KCNQ3: variants seen among roughly 807,000 people sequenced by gnomAD.
KCNQ3 encodes the protein potassium voltage-gated channel subfamily Q member 3.
KCNQ3 carries 30 observed loss-of-function variants against 92.5 expected under a neutral mutation model. The ratio of observed to expected loss-of-function variants is 0.32; its 90% confidence interval spans 0.24 to 0.44. KCNQ3 has a LOEUF of 0.44. KCNQ3 is among the 20% of genes least tolerant of loss of function. The probability of loss-of-function intolerance (pLI) is 1.00; values close to 1 mark genes in which losing one functional copy is unlikely to be tolerated. For synonymous variants in KCNQ3, 450 were observed against 468.8 expected (o/e 0.96, Z 0.52); for missense variants, 913 against 1,140.3 (o/e 0.80, Z 2.87).
intron 1 of KCNQ3, among the ~76,000 whole-genome samples, chr8:132,428,804 A>T (rs956100039): frequency 1.3e-5 from 2 of 152,212 alleles, no homozygotes; most frequent in East Asian, 3.8e-4. Flanking sequence ...ACATAAGCAG[A>T]TATTAAGCAT....
intron 1 of KCNQ3, among the ~76,000 whole-genome samples, chr8:132,362,528 TAAAC>T (rs1819200418): frequency 6.6e-6 from 1 of 152,072 alleles, no homozygotes; most frequent in African/African-American, 2.4e-5. Flanking sequence ...GGTGCTTAAA[TAAAC>T]AAACAAGAAA....
At chr8:132,467,895 T>C (rs1179494671) in intron 1 of KCNQ3, among the ~76,000 whole-genome samples, 2 of 152,310 alleles carry the variant, frequency 1.3e-5, no homozygotes, top group Admixed American at 1.3e-4. Context: ...CCAGTGTGGC[T>C]GAATGGATGC....
At chr8:132,376,712 T>C (rs1324944996) in intron 1 of KCNQ3, among the ~76,000 whole-genome samples, 1 of 152,246 alleles carries the variant, frequency 6.6e-6, no homozygotes, top group Non-Finnish European at 1.5e-5. Flanking sequence ...TGTTTTGATA[T>C]CTATTAGCAT....
chr8:132,454,832 T>C (rs1821902243), intron 1 of KCNQ3, among the ~76,000 whole-genome samples: 1 of 152,206 alleles, frequency 6.6e-6, no homozygotes, highest in African/African-American at 2.4e-5. Context: ...ACATACAATG[T>C]AATATTATAC....
At chr8:132,205,710 C>T (rs1813633244) in intron 1 of KCNQ3, among the ~76,000 whole-genome samples, 1 of 152,188 alleles carries the variant, frequency 6.6e-6, no homozygotes, top group Non-Finnish European at 1.5e-5. Context: ...CTATGTGAGA[C>T]TATAGTAGAA....
intron 1 of KCNQ3, among the ~76,000 whole-genome samples, chr8:132,330,241 G>A (rs959015853): frequency 6.6e-6 from 1 of 152,216 alleles, no homozygotes; most frequent in South Asian, 2.1e-4. Flanking sequence ...GTCCCATAGA[G>A]CTCCCAGAGT....
chr8:132,245,023 T>C (rs898457646), intron 1 of KCNQ3, among the ~76,000 whole-genome samples: 47 of 151,580 alleles, frequency 3.1e-4, no homozygotes, highest in African/African-American at 1.1e-3. Context: ...TTTATTTACA[T>C]AAGTGCAACC....
intron 3 of KCNQ3, among the ~76,000 whole-genome samples, chr8:132,181,223 G>C (rs1208128159): frequency 6.6e-6 from 1 of 152,124 alleles, no homozygotes; most frequent in East Asian, 1.9e-4. Context: ...GTATGGAAGA[G>C]GGAGGAACTG....
At chr8:132,312,760 T>G (rs116974413) in intron 1 of KCNQ3, among the ~76,000 whole-genome samples, 1 of 152,178 alleles carries the variant, frequency 6.6e-6, no homozygotes, top group Non-Finnish European at 1.5e-5. Context: ...CTCCCTCACC[T>G]GCTGCCATGT....
intron 1 of KCNQ3, among the ~76,000 whole-genome samples, chr8:132,428,435 T>C (rs1821164805): frequency 6.6e-6 from 1 of 152,150 alleles, no homozygotes. Flanking sequence ...ACAAAAACAA[T>C]TTAAAACCGC....
At chr8:132,133,608 C>A (rs1366522389) in intron 13 of KCNQ3, among the ~76,000 whole-genome samples, 1 of 152,142 alleles carries the variant, frequency 6.6e-6, no homozygotes, top group African/African-American at 2.4e-5. Context: ...CCCGCCTCAG[C>A]CTCCTGAAGG....
intron 9 of KCNQ3, among the ~76,000 whole-genome samples, chr8:132,159,136 C>A (rs1172782522): frequency 6.6e-6 from 1 of 152,170 alleles, no homozygotes; most frequent in Admixed American, 6.5e-5. Context: ...GTTATTATTG[C>A]TGTTCAAAAT....
chr8:132,350,815 C>A (rs959294016), intron 1 of KCNQ3, among the ~76,000 whole-genome samples: 4 of 152,194 alleles, frequency 2.6e-5, no homozygotes, highest in Non-Finnish European at 5.9e-5. Flanking sequence ...CCATGCAATT[C>A]TACCAGCCTT....
chr8:132,150,087 T>C (rs111786541), intron 9 of KCNQ3, among the ~76,000 whole-genome samples: 3,349 of 140,258 alleles, frequency 0.024, 126 homozygotes, highest in African/African-American at 0.084. Context: ...TTTTTTTTTT[T>C]CCTTTTGGAA....
chr8:132,473,594 A>C (rs1308698414), intron 1 of KCNQ3, among the ~76,000 whole-genome samples: 1 of 152,162 alleles, frequency 6.6e-6, no homozygotes, highest in Non-Finnish European at 1.5e-5. Context: ...TAACAACACA[A>C]ATATCTAACA....
At chr8:132,410,613 A>G (rs1321890768) in intron 1 of KCNQ3, among the ~76,000 whole-genome samples, 1 of 152,246 alleles carries the variant, frequency 6.6e-6, no homozygotes, top group Non-Finnish European at 1.5e-5. Flanking sequence ...CAGCTGCAGC[A>G]GCAGCCACCT....
intron 1 of KCNQ3, chr8:132,277,889 C>T (rs1056321882): frequency 2.1e-6 from 2 of 930,682 alleles, no homozygotes; most frequent in Non-Finnish European, 2.6e-6. Context: ...ATAATGATCC[C>T]CCTGTCTCTG....
intron 1 of KCNQ3, among the ~76,000 whole-genome samples, chr8:132,308,378 T>C (rs554122192): frequency 2.0e-5 from 3 of 152,008 alleles, no homozygotes; most frequent in Non-Finnish European, 4.4e-5. Flanking sequence ...GAGGGATGGA[T>C]GGAGGGCAGG....
intron 1 of KCNQ3, among the ~76,000 whole-genome samples, chr8:132,209,691 C>T (rs1183142953): frequency 6.6e-6 from 1 of 152,082 alleles, no homozygotes; most frequent in Non-Finnish European, 1.5e-5. Context: ...ATAAAATATT[C>T]ACCATTTTAT....
Sources: allele counts gnomAD v4.1 joint callset (sites outside exome capture counted in the v4.1 genomes callset), GRCh38; gene constraint gnomAD v4.1.1; transcripts MANE v1.5; gene names NCBI Gene and HGNC (gene_info 2026-07-23, HGNC 2026-07-21).